TBL1X: variants seen among roughly 807,000 people sequenced by gnomAD.
TBL1X encodes F-box-like/WD repeat-containing protein TBL1X.
TBL1X carries 10 observed loss-of-function variants against 50.7 expected under a neutral mutation model. The observed-to-expected ratio is 0.20, with a 90% confidence interval of 0.12 to 0.33. The LOEUF is 0.33. Ranked by LOEUF, TBL1X falls within the 10% of genes least tolerant of loss-of-function variation. TBL1X has a pLI of 1.00. For missense variants in TBL1X, 340 were observed against 504.4 expected (o/e 0.67, Z 3.12); for synonymous variants, 190 against 214.7 (o/e 0.88, Z 1.01).
chrX:9,516,837 C>T (rs2082082966), intron 2 of TBL1X, among the ~76,000 whole-genome samples: 1 of 111,763 alleles, frequency 8.9e-6, no homozygotes, highest in Admixed American at 9.5e-5. Flanking sequence ...TTTCATATTT[C>T]CTGATATTCA....
intron 6 of TBL1X, 90 bp from the exon 7 acceptor site, chrX:9,687,926 TC>T: frequency 8.8e-7 from 1 of 1,134,156 alleles, no homozygotes; most frequent in East Asian, 3.1e-5. Flanking sequence ...ACGCCCCACT[TC>T]CCTGCGCTTC....
intron 2 of TBL1X, among the ~76,000 whole-genome samples, chrX:9,508,901 CAG>C (rs1468108560): frequency 1.8e-5 from 2 of 109,348 alleles, no homozygotes; most frequent in African/African-American, 3.3e-5. Context: ...CACATAGACA[CAG>C]AGAGGGGAAC....
intron 2 of TBL1X, among the ~76,000 whole-genome samples, chrX:9,616,065 G>A (rs1057512964): frequency 8.9e-6 from 1 of 111,807 alleles, no homozygotes; most frequent in Non-Finnish European, 1.9e-5. Flanking sequence ...GGATAAAAAT[G>A]TACCCCACGG....
chrX:9,537,217 C>T (rs778375491), intron 2 of TBL1X, among the ~76,000 whole-genome samples: 8 of 111,316 alleles, frequency 7.2e-5, no homozygotes, highest in Non-Finnish European at 1.3e-4. Flanking sequence ...CGTGCATTAG[C>T]AATTAAAAGG....
intron 13 of TBL1X, among the ~76,000 whole-genome samples, chrX:9,707,984 G>A (rs1400605067): frequency 8.9e-6 from 1 of 112,432 alleles, no homozygotes; most frequent in Non-Finnish European, 1.9e-5. Context: ...GGAGCCCTTA[G>A]GAGTATGAAA....
chrX:9,616,405 A>G (rs1316645518), intron 2 of TBL1X, among the ~76,000 whole-genome samples: 1 of 111,942 alleles, frequency 8.9e-6, no homozygotes, highest in African/African-American at 3.3e-5. Flanking sequence ...TTTTTTCTAA[A>G]GAAAAAAAAC....
intron 1 of TBL1X, among the ~76,000 whole-genome samples, chrX:9,499,508 G>A (rs929730485): frequency 2.7e-5 from 3 of 112,121 alleles, no homozygotes; most frequent in African/African-American, 9.7e-5. Flanking sequence ...TTGTGAGGCC[G>A]AGAGAGGAAC....
chrX:9,579,593 C>T (rs766847742), intron 2 of TBL1X, among the ~76,000 whole-genome samples: 3 of 111,756 alleles, frequency 2.7e-5, no homozygotes, highest in South Asian at 3.8e-4. Flanking sequence ...TTTTCCTTTA[C>T]ACCACAGAGC....
At chrX:9,568,228 G>A (rs752957857) in intron 2 of TBL1X, among the ~76,000 whole-genome samples, 2 of 111,332 alleles carry the variant, frequency 1.8e-5, no homozygotes, top group South Asian at 7.6e-4. Context: ...GTGTGTGTCT[G>A]TGCAACGTGC....
chrX:9,674,680 G>GCCCCCCCCCCCCC (rs57080019), intron 5 of TBL1X, among the ~76,000 whole-genome samples: 1 of 4,007 alleles, frequency 2.5e-4, no homozygotes, highest in African/African-American at 7.2e-4. Flanking sequence ...TCCCGCCTCA[G>GCCCCCCCCCCCCC]CCCCCCCCCC....
At chrX:9,517,040 T>C (rs2082083723) in intron 2 of TBL1X, among the ~76,000 whole-genome samples, 1 of 111,682 alleles carries the variant, frequency 9.0e-6, no homozygotes, top group Admixed American at 9.5e-5. Context: ...ATAAACTGAG[T>C]ACTATACAGT....
At chrX:9,638,805 C>CAGA (rs1470337003) in intron 2 of TBL1X, among the ~76,000 whole-genome samples, 1 of 111,954 alleles carries the variant, frequency 8.9e-6, no homozygotes, top group Non-Finnish European at 1.9e-5. Context: ...TTAGCAATTT[C>CAGA]ATCATAAGGC....
chrX:9,707,156 C>T (rs1187858229), intron 13 of TBL1X, among the ~76,000 whole-genome samples: 3 of 111,010 alleles, frequency 2.7e-5, no homozygotes, highest in Non-Finnish European at 5.7e-5. Context: ...GGTCACAGTC[C>T]CTGGAGATTT....
chrX:9,698,261 C>T (rs1251734322), intron 12 of TBL1X, among the ~76,000 whole-genome samples: 3 of 111,306 alleles, frequency 2.7e-5, no homozygotes, highest in Non-Finnish European at 5.7e-5. Flanking sequence ...AGAAGCAGTG[C>T]GGGCTCCTTT....
chrX:9,466,047 C>T (rs1294676153), intron 1 of TBL1X, among the ~76,000 whole-genome samples: 1 of 112,894 alleles, frequency 8.9e-6, no homozygotes, highest in Non-Finnish European at 1.9e-5. Flanking sequence ...AGTCGGGAGC[C>T]CCAGTCCTCC....
intron 1 of TBL1X, among the ~76,000 whole-genome samples, chrX:9,491,308 A>T (rs867557107): frequency 0.012 from 341 of 28,423 alleles, 1 homozygote; most frequent in African/African-American, 0.036. Flanking sequence ...CAGTATATTT[A>T]TATATATATA....
chrX:9,650,304 G>A (rs186904317), intron 3 of TBL1X, among the ~76,000 whole-genome samples: 3 of 112,754 alleles, frequency 2.7e-5, no homozygotes, highest in Non-Finnish European at 5.6e-5. Flanking sequence ...GGGAGTCCAA[G>A]GATGCTGCAG....
At chrX:9,616,201 C>A (rs1344335566) in intron 2 of TBL1X, among the ~76,000 whole-genome samples, 4 of 111,606 alleles carry the variant, frequency 3.6e-5, no homozygotes, top group African/African-American at 1.3e-4. Context: ...GTGTACCCCC[C>A]ACCCACCAGA....
chrX:9,526,871 T>G (rs2082135167), intron 2 of TBL1X, among the ~76,000 whole-genome samples: 1 of 111,604 alleles, frequency 9.0e-6, no homozygotes, highest in African/African-American at 3.3e-5. Context: ...GTTGATAGAC[T>G]TGTGGGGAGG....
Sources: allele counts gnomAD v4.1 joint callset (sites outside exome capture counted in the v4.1 genomes callset), GRCh38; gene constraint gnomAD v4.1.1; transcripts MANE v1.5; gene names NCBI Gene and HGNC (gene_info 2026-07-23, HGNC 2026-07-21).